Variants in CARMIL1 observed in about 807,000 individuals in gnomAD.
CARMIL1 encodes the protein F-actin-uncapping protein LRRC16A.
A neutral mutation model predicts 177.1 loss-of-function variants in CARMIL1; 90 were observed. The observed-to-expected ratio is 0.51, with a 90% CI of 0.43 to 0.61. The LOEUF is 0.61. CARMIL1 is among the 20% of genes least tolerant of loss of function. CARMIL1 has a pLI of 0.00. For missense variants in CARMIL1, 1,380 were observed against 1,667.0 expected, an observed-to-expected ratio of 0.83 and a Z score of 3.00; for synonymous variants, 577 against 606.2, an observed-to-expected ratio of 0.95 and a Z score of 0.71.
At chr6:25,371,433 C>A (rs1191071620) in intron 2 of CARMIL1, among the ~76,000 whole-genome samples, 1 of 152,034 alleles carries the variant, frequency 6.6e-6, no homozygotes, top group African/African-American at 2.4e-5. Context: ...TGTATTTTAC[C>A]TTTTTAGTAA....
At position 25,618,344 on chromosome 6, in the gene CARMIL1, T is replaced by C. The variant is rs550627667; in HGVS notation, c.3980-1103T>C. ...TATAGCTTTTAAAGGATTGATGTAG[T>C]GTGTTCCTGGTTAGATCATTGGAAC... On this transcript the variant is annotated intron_variant, in intron 36 of 36. Transcript: ENST00000329474. Among the ~76,000 whole-genome samples the C allele has an allele frequency of 9.9e-5, 15 of 152,240 alleles. No individual in the cohort carries two copies. The South Asian group carries it at 2.9e-3, about 29-fold the overall frequency.
intron 24 of CARMIL1, among the ~76,000 whole-genome samples, chr6:25,536,363 A>C (rs77244967): frequency 0.08 from 12,197 of 152,198 alleles, 635 homozygotes; most frequent in Non-Finnish European, 0.12. Context: ...AATCAGAGGC[A>C]GGAATCATAA....
At chr6:25,435,199 A>T (rs2150764868) in intron 4 of CARMIL1, among the ~76,000 whole-genome samples, 2 of 152,080 alleles carry the variant, frequency 1.3e-5, no homozygotes, top group East Asian at 3.9e-4. Flanking sequence ...CAATACTTCC[A>T]CCCTCTACCC....
intron 5 of CARMIL1, among the ~76,000 whole-genome samples, chr6:25,448,839 A>G (rs1295816649): frequency 1.3e-5 from 2 of 151,980 alleles, no homozygotes; most frequent in Non-Finnish European, 2.9e-5. Context: ...TAAACTATTC[A>G]TTAAATGATT....
At chr6:25,493,641 G>C (rs528817434) in intron 15 of CARMIL1, among the ~76,000 whole-genome samples, 1 of 152,256 alleles carries the variant, frequency 6.6e-6, no homozygotes, top group East Asian at 1.9e-4. Context: ...CTTCTCTCTG[G>C]AAGTCATACA....
rs115080948 is a variant in CARMIL1 at position 25,318,807 on chromosome 6, G to A, written c.138+33898G>A. Among the ~76,000 whole-genome samples the A allele has an allele frequency of 4.4e-3, 675 of 152,222 alleles. 5 individuals carry two copies. The highest frequency in any genetic ancestry group is 0.015 in the African/African-American group (619 of 41,546). On this transcript the variant is annotated intron_variant, in intron 2 of 36. Transcript: ENST00000329474. ...GGCTGTCCTGGGGGGTCTGGATGTC[G>A]GCCCAGCCCCATCTCCTCAAAGCCA...
intron 29 of CARMIL1, among the ~76,000 whole-genome samples, chr6:25,562,355 G>A (rs890364140): frequency 6.6e-6 from 1 of 151,068 alleles, no homozygotes; most frequent in African/African-American, 2.4e-5. Flanking sequence ...TCAAGCAATT[G>A]TCCTGCCTCA....
chr6:25,522,996 A>C (rs937607383), intron 23 of CARMIL1, among the ~76,000 whole-genome samples: 1 of 152,106 alleles, frequency 6.6e-6, no homozygotes, highest in Non-Finnish European at 1.5e-5. Flanking sequence ...ACGAGGTTTC[A>C]CTATGTTGCC....
intron 5 of CARMIL1, among the ~76,000 whole-genome samples, chr6:25,439,692 T>C (rs1797558468): frequency 6.6e-6 from 1 of 152,136 alleles, no homozygotes; most frequent in African/African-American, 2.4e-5. Flanking sequence ...GGCAGACTGC[T>C]GTGGTTGAGG....
At chr6:25,598,254 T>A (rs77573552) in intron 32 of CARMIL1, among the ~76,000 whole-genome samples, 2,890 of 152,218 alleles carry the variant, frequency 0.019, 78 homozygotes, top group African/African-American at 0.06. Context: ...ATTATTATTA[T>A]TTGAGATAGC....
intron 12 of CARMIL1, among the ~76,000 whole-genome samples, chr6:25,485,666 C>A (rs1210653786): frequency 1.3e-5 from 2 of 152,108 alleles, no homozygotes; most frequent in African/African-American, 4.8e-5. Flanking sequence ...AATTCCTGAC[C>A]TCAGGTGATC....
Position 25,515,806 on chromosome 6 carries a change from G to A in CARMIL1, c.1764G>A (p.Ala588=), listed in dbSNP as rs760987757. Residue 588 remains alanine (A), a synonymous_variant, in exon 21 of 37, where the codon GCG becomes GCA. Transcript: ENST00000329474. The surrounding 1 kb of genome is among the most constrained non-coding windows in gnomAD (Gnocchi z 5.0). ...GCAACGGAATGGGGGACATGGGAGC[G>A]AAGATGCTGGCCAAAGCACTGCAGA... ...ISGNGMGDMG[A]KMLAKALQIN... 16 of 1,610,632 alleles carry A rather than the reference G, an allele frequency of 9.9e-6. 1 individual carries two copies. Among genetic ancestry groups the A allele is most frequent in the African/African-American group, 4.0e-5 (3 of 74,788 alleles).
Position 25,281,130 on chromosome 6 carries a change from GCGCGCGCACACACACA to G in CARMIL1, c.40+1297_40+1312del, listed in dbSNP as rs1561928354. On this transcript the variant is annotated intron_variant, in intron 1 of 36. Transcript: ENST00000329474. ...TATTCACAGACGCACGCGCGTGTGC[GCGCGCGCACACACACA>G]CACACACACACACACACACACACGC... Among the ~76,000 whole-genome samples, 103 of 97,288 alleles carry G rather than the reference GCGCGCGCACACACACA, an allele frequency of 1.1e-3. 4 individuals carry two copies. In the South Asian group the frequency reaches 0.02, roughly 19 times the overall value. The allele number at this position is 97,288 out of a possible 152,430, so 63.8% of individuals were successfully genotyped here.
intron 11 of CARMIL1, among the ~76,000 whole-genome samples, chr6:25,478,880 A>G (rs915787422): frequency 2.0e-5 from 3 of 151,914 alleles, no homozygotes; most frequent in Admixed American, 1.3e-4. Flanking sequence ...GTATGCCTAT[A>G]TTCTTATACT....
At chr6:25,424,381 C>T (rs907554601) in intron 3 of CARMIL1, among the ~76,000 whole-genome samples, 3 of 152,154 alleles carry the variant, frequency 2.0e-5, no homozygotes, top group Admixed American at 6.5e-5. Context: ...GTACAGTAGA[C>T]GCATCTTAAT....
chr6:25,399,956 A>C (rs1275443181), intron 2 of CARMIL1, among the ~76,000 whole-genome samples: 1 of 152,198 alleles, frequency 6.6e-6, no homozygotes. Context: ...TAGATACTAC[A>C]TTATGTGTTT....
At chr6:25,597,751 A>G (rs1332316048) in intron 32 of CARMIL1, among the ~76,000 whole-genome samples, 1 of 151,994 alleles carries the variant, frequency 6.6e-6, no homozygotes, top group Non-Finnish European at 1.5e-5. Context: ...TGTTGGTCTT[A>G]GTTTATGCCC....
chr6:25,516,244 C>G (rs1805982825), intron 21 of CARMIL1, among the ~76,000 whole-genome samples: 1 of 152,170 alleles, frequency 6.6e-6, no homozygotes, highest in African/African-American at 2.4e-5. Flanking sequence ...CTCATGCCTG[C>G]CGATATAAAG....
intron 8 of CARMIL1, chr6:25,452,000 C>CCCA (rs1554199107): frequency 2.7e-5 from 5 of 184,934 alleles, no homozygotes; most frequent in African/African-American, 2.9e-5. Flanking sequence ...CCCCCTCCCC[C>CCCA]CCCCAGAATA....
Sources: gnomAD v4.1 joint callset for allele counts (sites outside exome capture counted in the v4.1 genomes callset) on GRCh38, gnomAD v4.1.1 for gene constraint, Gnocchi (gnomAD v3.1) non-coding constraint, MANE v1.5 for transcripts, NCBI Gene and HGNC (gene_info 2026-07-23, HGNC 2026-07-21) for gene names.